Variants in FRMPD4 observed in about 807,000 individuals in gnomAD.
FRMPD4 encodes FERM and PDZ domain-containing protein 4.
A neutral mutation model predicts 94.1 loss-of-function variants in FRMPD4; 22 were observed. That is an observed-to-expected ratio of 0.23 (90% CI 0.17 to 0.33). The LOEUF is 0.33. Among genes scored for constraint, FRMPD4 ranks in the 10% least tolerant of loss-of-function variants. The pLI, the probability that FRMPD4 is intolerant of heterozygous loss-of-function variation, is 1.00. For synonymous variants in FRMPD4, 631 were observed against 548.6 expected (o/e 1.15, Z -2.10); for missense variants, 1,111 against 1,339.9 (o/e 0.83, Z 2.67).
intron 3 of FRMPD4, among the ~76,000 whole-genome samples, chrX:12,040,331 G>T (rs938431368): frequency 1.0e-5 from 1 of 96,497 alleles, no homozygotes; most frequent in Non-Finnish European, 2.1e-5. Context: ...CTTAAAATCT[G>T]TCTTTTTTTC....
At chrX:12,633,655 TG>T (rs1321250405) in intron 4 of FRMPD4, among the ~76,000 whole-genome samples, 1 of 112,317 alleles carries the variant, frequency 8.9e-6, no homozygotes, top group Non-Finnish European at 1.9e-5. Context: ...GACATAGTTT[TG>T]TTTGGTTTTT....
At chrX:12,172,896 A>G (rs1308110006) in intron 1 of FRMPD4, among the ~76,000 whole-genome samples, 1 of 112,892 alleles carries the variant, frequency 8.9e-6, no homozygotes, top group Non-Finnish European at 1.9e-5. Flanking sequence ...CTCATTTGCC[A>G]CTATAGCAGT....
At chrX:11,934,341 G>A (rs1203003930) in intron 3 of FRMPD4, among the ~76,000 whole-genome samples, 5 of 111,828 alleles carry the variant, frequency 4.5e-5, no homozygotes, top group African/African-American at 1.6e-4. Flanking sequence ...TGTTATGGCT[G>A]GAAGGAACAC....
intron 16 of FRMPD4, among the ~76,000 whole-genome samples, 180 bp downstream of exon 16, chrX:12,718,970 A>G (rs5935389): frequency 0.26 from 29,304 of 111,997 alleles, 3,646 homozygotes; most frequent in African/African-American, 0.48. Flanking sequence ...TAAAGATTAT[A>G]AAGGTGAAAA....
At chrX:12,303,467 ATG>A (rs746266119) in intron 1 of FRMPD4, among the ~76,000 whole-genome samples, 510 of 111,881 alleles carry the variant, frequency 4.6e-3, no homozygotes, top group Non-Finnish European at 7.2e-3. Flanking sequence ...TAGGAGATAA[ATG>A]TGCTTATTGT....
At chrX:12,116,964 C>T (rs1050062634) in intron 3 of FRMPD4, among the ~76,000 whole-genome samples, 3 of 111,996 alleles carry the variant, frequency 2.7e-5, no homozygotes, top group African/African-American at 9.7e-5. Context: ...CATTAAGTAG[C>T]ATCAAACATT....
chrX:11,847,206 C>A (rs1401950764), intron 1 of FRMPD4, among the ~76,000 whole-genome samples: 1 of 110,874 alleles, frequency 9.0e-6, no homozygotes, highest in Non-Finnish European at 1.9e-5. Context: ...ACAACCCCAT[C>A]AAAAAGTGGG....
chrX:12,398,722 A>G (rs1338132989), intron 1 of FRMPD4, among the ~76,000 whole-genome samples: 1 of 111,504 alleles, frequency 9.0e-6, no homozygotes, highest in African/African-American at 3.3e-5. Context: ...AGGGGGGGAA[A>G]TTATTTCTAA....
At chrX:12,249,732 A>G (rs1013119753) in intron 1 of FRMPD4, among the ~76,000 whole-genome samples, 5 of 111,866 alleles carry the variant, frequency 4.5e-5, no homozygotes, top group Non-Finnish European at 9.4e-5. Flanking sequence ...GGCAGTTTTC[A>G]GAGACTTAAG....
At chrX:12,697,730 G>A (rs1022808761) in intron 9 of FRMPD4, among the ~76,000 whole-genome samples, 11 of 111,949 alleles carry the variant, frequency 9.8e-5, no homozygotes, top group Admixed American at 8.5e-4. Context: ...AATGTGTCTG[G>A]AAATCTTGCC....
intron 3 of FRMPD4, among the ~76,000 whole-genome samples, chrX:11,889,206 C>T (rs2053861488): frequency 8.9e-6 from 1 of 112,058 alleles, no homozygotes; most frequent in Non-Finnish European, 1.9e-5. Context: ...GAATTACGTC[C>T]CCAACTTCTC....
Position 12,584,112 on chromosome X carries a change from C to G in FRMPD4, c.159-25609C>G, listed in dbSNP as rs767261659. On this transcript the variant is annotated intron_variant, in intron 2 of 16. Transcript: ENST00000675598. ...TGATTATCTTACATGAAGGGATTAG[C>G]GTTCCTCAAAGCCCCTTGAACCTAC... Among the ~76,000 whole-genome samples the G allele has an allele frequency of 2.7e-5, 3 of 112,252 alleles. No homozygotes were observed. The Admixed American group carries it at 2.8e-4, about 11-fold the overall frequency.
intron 3 of FRMPD4, among the ~76,000 whole-genome samples, chrX:12,041,367 G>GT (rs774205265): frequency 3.6e-5 from 4 of 112,028 alleles, no homozygotes; most frequent in Non-Finnish European, 7.5e-5. Flanking sequence ...AACAGATTCT[G>GT]TAAGTCTCTC....
chrX:12,352,113 C>T (rs1261659708), intron 1 of FRMPD4, among the ~76,000 whole-genome samples: 2 of 112,155 alleles, frequency 1.8e-5, no homozygotes, highest in Non-Finnish European at 3.8e-5. Context: ...CATTCTCTTA[C>T]AGCAGTGTGT....
At chrX:12,448,382 A>G (rs2057226253) in intron 1 of FRMPD4, among the ~76,000 whole-genome samples, 1 of 112,213 alleles carries the variant, frequency 8.9e-6, no homozygotes, top group African/African-American at 3.2e-5. Flanking sequence ...ACAAAAAACA[A>G]CTACCTAATT....
At chrX:12,055,893 A>C (rs1569150316) in intron 3 of FRMPD4, among the ~76,000 whole-genome samples, 2 of 111,722 alleles carry the variant, frequency 1.8e-5, no homozygotes, top group Admixed American at 9.5e-5. Flanking sequence ...TAAAACGATA[A>C]GTATTCTGTT....
chrX:12,069,292 G>A (rs2054946496), intron 3 of FRMPD4, among the ~76,000 whole-genome samples: 1 of 111,602 alleles, frequency 9.0e-6, no homozygotes, highest in African/African-American at 3.3e-5. Flanking sequence ...TTAGGGCCAT[G>A]CATAGGGATT....
At chrX:12,341,655 G>A (rs1478826618) in intron 1 of FRMPD4, 1 of 326,790 alleles carries the variant, frequency 3.1e-6, no homozygotes. Context: ...ACAGATCCAA[G>A]ATTTGAACTC....
In FRMPD4 at chrX:11,920,693, T is replaced by C. The variant is rs151316022; in HGVS notation, c.95+42675T>C. ...GCAGTTTTTTTATTTGACAAATAAA[T>C]TATAACTCAAAGAGTTAATGAAATC... On this transcript the variant is annotated intron_variant, in intron 3 of 18. Transcript: ENST00000640291. 1.5e-3 allele frequency among the ~76,000 whole-genome samples: 164 copies of C among 112,192 alleles called. 3 individuals are homozygous for C. The highest frequency in any genetic ancestry group is 9.0e-4 in the Non-Finnish European group (48 of 53,225).
Sources: allele counts gnomAD v4.1 joint callset (sites outside exome capture counted in the v4.1 genomes callset), GRCh38; gene constraint gnomAD v4.1.1; transcripts MANE v1.5; gene names NCBI Gene and HGNC (gene_info 2026-07-23, HGNC 2026-07-21).